Variants in PIP5K1B observed in about 807,000 individuals in gnomAD.
PIP5K1B encodes the protein phosphatidylinositol-4-phosphate 5-kinase type 1 beta.
In PIP5K1B, 42 loss-of-function variants were observed where a neutral mutation model predicts 67.0. The ratio of observed to expected loss-of-function variants is 0.63; its 90% CI spans 0.49 to 0.81. The LOEUF (loss-of-function observed/expected upper bound fraction) is 0.81, where lower values mean the gene tolerates loss of function less well. Ranked by LOEUF, PIP5K1B falls within the 30% of genes least tolerant of loss-of-function variation. The pLI is 0.00. For synonymous variants in PIP5K1B, 214 were observed against 231.4 expected, an observed-to-expected ratio of 0.92 and a Z score of 0.68; for missense variants, 459 against 646.3, an observed-to-expected ratio of 0.71 and a Z score of 3.14.
chr9:68,801,324 T>C (rs1832590992), intron 2 of PIP5K1B, among the ~76,000 whole-genome samples: 2 of 152,176 alleles, frequency 1.3e-5, no homozygotes, highest in Admixed American at 1.3e-4. Flanking sequence ...GGCACATTTT[T>C]TTTTTCATAT....
intron 2 of PIP5K1B, among the ~76,000 whole-genome samples, chr9:68,763,001 G>A (rs936904748): frequency 6.6e-6 from 1 of 152,114 alleles, no homozygotes; most frequent in Non-Finnish European, 1.5e-5. Flanking sequence ...TGTGCACAGT[G>A]GGGAACAGAT....
intron 1 of PIP5K1B, among the ~76,000 whole-genome samples, chr9:68,731,511 G>T (rs746357244): frequency 3.3e-5 from 5 of 152,198 alleles, no homozygotes; most frequent in Non-Finnish European, 7.3e-5. Flanking sequence ...ATTTTGAAAG[G>T]TGCGGAGGGC....
intron 2 of PIP5K1B, among the ~76,000 whole-genome samples, chr9:68,758,454 G>A (rs1326513339): frequency 6.6e-6 from 1 of 152,094 alleles, no homozygotes; most frequent in Non-Finnish European, 1.5e-5. Context: ...ATTCAAAAAT[G>A]CAGTAACCAC....
chr9:68,807,362 A>T (rs934154221), intron 2 of PIP5K1B, among the ~76,000 whole-genome samples: 6 of 152,104 alleles, frequency 3.9e-5, no homozygotes, highest in African/African-American at 1.4e-4. Context: ...GCTTTTAAAA[A>T]TTTTTTCCTT....
Position 68,892,756 on chromosome 9 carries a change from T to C in PIP5K1B, c.472-1583T>C, listed in dbSNP as rs139607660. On this transcript the variant is annotated intron_variant, in intron 7 of 15. Transcript: ENST00000265382. The stretch of plus-strand genomic sequence containing the variant: ...CACACACAAATAAGAAACAAGTAAA[T>C]AAACATGACCACATCAAAAGGCAAC... 5.9e-5 allele frequency among the ~76,000 whole-genome samples: 9 copies of C among 151,844 alleles called. No individual in the cohort carries two copies. In the South Asian group the frequency reaches 1.9e-3, roughly 32 times the overall value.
Position 68,940,724 on chromosome 9 carries a change from T to C in PIP5K1B, c.1436T>C (p.Ile479Thr), listed in dbSNP as rs779824353. Residue 479 changes from isoleucine to threonine, a missense_variant, in exon 14 of 16, where the codon ATT (isoleucine) becomes ACT (threonine). Physicochemically the swap from Ile to Thr is moderately conservative, Grantham distance 89. Transcript: ENST00000265382. ...LFEAASLATTISSSSLYVNEH... is the reference protein window; with the variant it reads ...LFEAASLATTTSSSSLYVNEH... Reference sequence around the variant, plus strand: ...GAAGCTGCTTCCTTGGCAACCACAATTTCATCTTCTTCCTTATACGTCAAT... The same window carrying C: ...GAAGCTGCTTCCTTGGCAACCACAACTTCATCTTCTTCCTTATACGTCAAT... The C allele has an allele frequency of 1.5e-5, 25 of 1,613,886 alleles. No individual in the cohort carries two copies. Among genetic ancestry groups the C allele is most frequent in the Non-Finnish European group, 2.0e-5 (24 of 1,179,896 alleles).
intron 14 of PIP5K1B, among the ~76,000 whole-genome samples, chr9:68,964,913 A>G (rs1235118851): frequency 1.3e-5 from 2 of 152,256 alleles, no homozygotes; most frequent in African/African-American, 2.4e-5. Flanking sequence ...TTATATGTGT[A>G]CAAACCTTCT....
chr9:68,821,909 A>G (rs1326761693), intron 3 of PIP5K1B, among the ~76,000 whole-genome samples: 3 of 152,230 alleles, frequency 2.0e-5, no homozygotes, highest in Non-Finnish European at 2.9e-5. Context: ...TCTTACAAAG[A>G]TATTTTTGTA....
At chr9:68,731,483 A>G (rs971345614) in intron 1 of PIP5K1B, among the ~76,000 whole-genome samples, 12 of 152,202 alleles carry the variant, frequency 7.9e-5, no homozygotes, top group African/African-American at 2.9e-4. Flanking sequence ...ACTTCCTTTC[A>G]CTTTTTATGT....
At chr9:68,766,376 G>A (rs1005989694) in intron 2 of PIP5K1B, among the ~76,000 whole-genome samples, 4 of 151,912 alleles carry the variant, frequency 2.6e-5, no homozygotes, top group African/African-American at 7.3e-5. Flanking sequence ...CAAAATGAAC[G>A]TACAAAGATC....
intron 5 of PIP5K1B, among the ~76,000 whole-genome samples, chr9:68,865,236 A>T (rs1213937491): frequency 6.6e-6 from 1 of 151,524 alleles, no homozygotes; most frequent in Non-Finnish European, 1.5e-5. Context: ...CTTGCTTATG[A>T]TCCTACTCTT....
intron 1 of PIP5K1B, among the ~76,000 whole-genome samples, chr9:68,738,276 G>A (rs901646625): frequency 3.9e-5 from 6 of 152,196 alleles, no homozygotes; most frequent in African/African-American, 1.4e-4. Context: ...AATTGAGGTT[G>A]TATTTATAAT....
At chr9:68,958,648 G>A (rs1312519668) in intron 14 of PIP5K1B, among the ~76,000 whole-genome samples, 1 of 152,074 alleles carries the variant, frequency 6.6e-6, no homozygotes, top group Non-Finnish European at 1.5e-5. Flanking sequence ...CGCATACTTA[G>A]ACATTAATAT....
chr9:68,923,098 C>CT (rs749867765), intron 11 of PIP5K1B, among the ~76,000 whole-genome samples: 19 of 152,264 alleles, frequency 1.2e-4, no homozygotes, highest in Non-Finnish European at 2.2e-4. Context: ...TGTCTAGAAT[C>CT]TTTGTTCCGA....
intron 14 of PIP5K1B, among the ~76,000 whole-genome samples, chr9:68,971,611 G>C (rs757547227): frequency 6.6e-6 from 1 of 152,142 alleles, no homozygotes. Context: ...AGTCCCACCA[G>C]CAGTGTAAAA....
intron 4 of PIP5K1B, among the ~76,000 whole-genome samples, chr9:68,857,959 T>TTTTTTGTTG (rs111803123): frequency 1.2e-4 from 18 of 149,426 alleles, no homozygotes; most frequent in African/African-American, 4.4e-4. Context: ...CTCTTGCTGT[T>TTTTTTGTTG]TTGTTGTTGT....
At chr9:68,746,639 G>T (rs1829325816) in intron 2 of PIP5K1B, among the ~76,000 whole-genome samples, 2 of 152,168 alleles carry the variant, frequency 1.3e-5, no homozygotes, top group African/African-American at 4.8e-5. Flanking sequence ...GGCAGGCATG[G>T]CCCAGAGCTC....
chr9:68,823,368 T>C (rs17057918), intron 4 of PIP5K1B, among the ~76,000 whole-genome samples: 7,233 of 152,218 alleles, frequency 0.048, 298 homozygotes, highest in East Asian at 0.23. Flanking sequence ...CATGCAGTGT[T>C]CTGTGTATAA....
At chr9:68,851,392 G>A (rs906382788) in intron 4 of PIP5K1B, among the ~76,000 whole-genome samples, 1 of 152,242 alleles carries the variant, frequency 6.6e-6, no homozygotes, top group East Asian at 1.9e-4. Context: ...TCACCACATG[G>A]AGTGTTCGTG....
Sources: gnomAD v4.1 joint callset for allele counts (sites outside exome capture counted in the v4.1 genomes callset) on GRCh38, gnomAD v4.1.1 for gene constraint, MANE v1.5 for transcripts, NCBI Gene and HGNC (gene_info 2026-07-23, HGNC 2026-07-21) for gene names.